The following SGK1 variants were observed in gnomAD, a reference collection of about 807,000 sequenced individuals.
The protein encoded by SGK1 is serine/threonine-protein kinase Sgk1.
In SGK1, 26 loss-of-function variants were observed where a neutral mutation model predicts 64.2. That is an observed-to-expected ratio of 0.40 (90% confidence interval 0.30 to 0.56). The LOEUF is 0.56. Among genes scored for constraint, SGK1 ranks in the 20% least tolerant of loss-of-function variants. The pLI is 0.38. For missense variants in SGK1, 519 were observed against 645.6 expected, an observed-to-expected ratio of 0.80 and a Z score of 2.12; for synonymous variants, 265 against 239.7, an observed-to-expected ratio of 1.11 and a Z score of -0.98.
chr6:134,173,134 C>T lies in SGK1; in HGVS notation c.723G>A (p.Glu241=). 1 of 1,613,790 alleles carries T rather than the reference C, an allele frequency of 6.2e-7. No homozygotes were observed. The highest frequency in any genetic ancestry group is 8.5e-7 in the Non-Finnish European group (1 of 1,179,802). The change falls in exon 8 of 14, where the codon GAG becomes GAA. Residue 241 remains glutamate, a synonymous_variant. Coordinates refer to ENST00000367858, the MANE Select transcript of SGK1 (RefSeq NM_001143676.3). ...TCACATTCTTCAACAGAACATTCCG[C>T]TCCGACATAATATGCTTCTCCTAGG... ...KKKEEKHIMS[E]RNVLLKNVKH...
At chr6:134,195,442 T>C (rs1775581812) in intron 3 of SGK1, among the ~76,000 whole-genome samples, 2 of 152,176 alleles carry the variant, frequency 1.3e-5, no homozygotes, top group South Asian at 4.1e-4. Context: ...ACTGAGCCTA[T>C]AGTCACACAT....
chr6:134,248,828 T>C (rs1776564300), intron 2 of SGK1, among the ~76,000 whole-genome samples: 1 of 152,218 alleles, frequency 6.6e-6, no homozygotes, highest in South Asian at 2.1e-4. Context: ...CTACAGTTTA[T>C]AATCCATTGC....
intron 3 of SGK1, among the ~76,000 whole-genome samples, chr6:134,198,840 C>T (rs1463978303): frequency 1.4e-5 from 2 of 147,154 alleles, no homozygotes; most frequent in Non-Finnish European, 3.0e-5. Flanking sequence ...GTAGTGATTC[C>T]TAAGTCCCCA....
chr6:134,221,281 G>C (rs1776087292), intron 2 of SGK1, among the ~76,000 whole-genome samples: 3 of 151,996 alleles, frequency 2.0e-5, no homozygotes, highest in Non-Finnish European at 4.4e-5. Context: ...TCCAGCCTGG[G>C]TGTCCGAGTG....
intron 1 of SGK1, among the ~76,000 whole-genome samples, chr6:134,284,491 CT>C (rs34917996): frequency 1.1e-3 from 155 of 142,982 alleles, no homozygotes; most frequent in Middle Eastern, 7.2e-3. Flanking sequence ...TTCTTTCTTT[CT>C]TTTTTTTTTT....
intron 2 of SGK1, among the ~76,000 whole-genome samples, chr6:134,223,831 C>T (rs1776128441): frequency 6.6e-6 from 1 of 152,202 alleles, no homozygotes; most frequent in Non-Finnish European, 1.5e-5. Flanking sequence ...TCCATTAACA[C>T]ATTTGCTGTT....
At chr6:134,254,872 T>A (rs1582744776) in intron 2 of SGK1, among the ~76,000 whole-genome samples, 1 of 152,218 alleles carries the variant, frequency 6.6e-6, no homozygotes, top group Non-Finnish European at 1.5e-5. Context: ...AATCTCATTT[T>A]TTTTTTCTTT....
chr6:134,213,296 C>T (rs532934255), intron 2 of SGK1, among the ~76,000 whole-genome samples: 3 of 152,034 alleles, frequency 2.0e-5, no homozygotes, highest in African/African-American at 7.2e-5. Context: ...TTGAGGCAGG[C>T]AGATCTCCTG....
At chr6:134,229,958 C>T (rs1403118631) in intron 2 of SGK1, among the ~76,000 whole-genome samples, 1 of 152,096 alleles carries the variant, frequency 6.6e-6, no homozygotes, top group African/African-American at 2.4e-5. Flanking sequence ...TTGTTCTCAA[C>T]TTAAAGCCAT....
In SGK1 at chr6:134,172,730, C is replaced by A. The variant is rs139126211; in HGVS notation, c.879G>T (p.Arg293=). 463 of 1,614,090 alleles carry A rather than the reference C, an allele frequency of 2.9e-4. 1 individual carries two copies. Among genetic ancestry groups the A allele is most frequent in the Non-Finnish European group, 3.6e-4 (426 of 1,179,986 alleles). The change falls in exon 9 of 14, where the codon CGG becomes CGT. Residue 293 remains arginine (R), a synonymous_variant. Coordinates refer to ENST00000367858, the MANE Select transcript of SGK1 (RefSeq NM_001143676.3). ...LQRERCFLEP[R]ARFYAAEIAS... is the part of the protein sequence containing the mutation. Reference sequence around the variant, plus strand: ...CTATTTCAGCAGCATAGAAACGAGCCCGTGGTTCCAGGAAGCAGCGTTCCC... The same window carrying A: ...CTATTTCAGCAGCATAGAAACGAGCACGTGGTTCCAGGAAGCAGCGTTCCC...
At chr6:134,254,980 A>G (rs1021580433) in intron 2 of SGK1, among the ~76,000 whole-genome samples, 1 of 151,850 alleles carries the variant, frequency 6.6e-6, no homozygotes, top group African/African-American at 2.4e-5. Flanking sequence ...GCAATTCTCC[A>G]GCCTCAACCT....
intron 2 of SGK1, among the ~76,000 whole-genome samples, chr6:134,215,972 C>T (rs960904275): frequency 3.3e-5 from 5 of 152,128 alleles, no homozygotes; most frequent in Non-Finnish European, 5.9e-5. Flanking sequence ...GTTGAGATCG[C>T]GCCACTGCAC....
intron 1 of SGK1, among the ~76,000 whole-genome samples, chr6:134,281,371 A>G (rs994088397): frequency 6.6e-6 from 1 of 152,190 alleles, no homozygotes; most frequent in East Asian, 1.9e-4. Context: ...TATCTATGTA[A>G]CAAGTGGTAA....
intron 2 of SGK1, among the ~76,000 whole-genome samples, chr6:134,227,632 A>G (rs1023318341): frequency 2.0e-5 from 3 of 152,222 alleles, no homozygotes; most frequent in Non-Finnish European, 4.4e-5. Flanking sequence ...AGTGCTTTAC[A>G]TTTACTTGCT....
intron 2 of SGK1, among the ~76,000 whole-genome samples, chr6:134,217,496 G>C (rs1455299597): frequency 6.6e-6 from 1 of 152,118 alleles, no homozygotes; most frequent in Non-Finnish European, 1.5e-5. Context: ...TCACACAGTC[G>C]AATGGGTTTC....
chr6:134,221,568 C>T (rs1776090930), intron 2 of SGK1, among the ~76,000 whole-genome samples: 1 of 152,044 alleles, frequency 6.6e-6, no homozygotes, highest in Admixed American at 6.6e-5. Flanking sequence ...TGACACTTAC[C>T]TCCTAATAAG....
chr6:134,262,754 C>T (rs1469034097), intron 1 of SGK1, among the ~76,000 whole-genome samples: 1 of 151,886 alleles, frequency 6.6e-6, no homozygotes, highest in Non-Finnish European at 1.5e-5. Flanking sequence ...CAAACAAAAA[C>T]AATTACCCTG....
At chr6:134,265,262 C>A (rs1776832333) in intron 1 of SGK1, among the ~76,000 whole-genome samples, 1 of 151,916 alleles carries the variant, frequency 6.6e-6, no homozygotes, top group South Asian at 2.1e-4. Context: ...GAGTTCAAGA[C>A]CAGCCTGGTC....
intron 3 of SGK1, chr6:134,177,902 G>C: frequency 6.8e-7 from 1 of 1,462,154 alleles, no homozygotes; most frequent in Non-Finnish European, 9.2e-7. Context: ...TACAGGAAGG[G>C]AGCAAGCTGC....
Sources: gnomAD v4.1 joint callset for allele counts (sites outside exome capture counted in the v4.1 genomes callset) on GRCh38, gnomAD v4.1.1 for gene constraint, MANE v1.5 for transcripts, NCBI Gene and HGNC (gene_info 2026-07-23, HGNC 2026-07-21) for gene names.